The following RANBP17 variants were observed in gnomAD, a reference collection of about 807,000 sequenced individuals.
RANBP17 encodes the protein RAN binding protein 17, also known as ran-binding protein 17.
In RANBP17, 158 loss-of-function variants were observed where a neutral mutation model predicts 141.2. The ratio of observed to expected loss-of-function variants is 1.12; its 90% CI spans 0.98 to 1.28. The LOEUF (loss-of-function observed/expected upper bound fraction) is 1.28, where lower values mean the gene tolerates loss of function less well. RANBP17 is among the 50% of genes most tolerant of loss of function. The pLI, the probability that RANBP17 is intolerant of heterozygous loss-of-function variation, is 0.00. For missense variants in RANBP17, 1,438 were observed against 1,290.7 expected (o/e 1.11, Z -1.75); for synonymous variants, 430 against 450.0 (o/e 0.96, Z 0.56).
At chr5:170,955,452 GTA>G (rs1224073239) in intron 13 of RANBP17, among the ~76,000 whole-genome samples, 3 of 77,990 alleles carry the variant, frequency 3.8e-5, no homozygotes, top group Admixed American at 1.5e-4. Flanking sequence ...AAAGAGCTCA[GTA>G]TATATATATA....
chr5:171,058,126 A>G (rs1048792262), intron 14 of RANBP17, among the ~76,000 whole-genome samples: 3 of 151,608 alleles, frequency 2.0e-5, no homozygotes, highest in East Asian at 1.9e-4. Context: ...GGCATTACCT[A>G]TTTCTCTCTT....
At chr5:171,215,757 T>C (rs1763175326) in intron 21 of RANBP17, among the ~76,000 whole-genome samples, 1 of 152,168 alleles carries the variant, frequency 6.6e-6, no homozygotes, top group South Asian at 2.1e-4. Context: ...GAGTTGTTTG[T>C]TTTTTTCTTG....
Position 171,004,400 on chromosome 5 carries a change from G to A in RANBP17, c.1710+36023G>A, listed in dbSNP as rs966757584. Among the ~76,000 whole-genome samples, 5 of 152,126 alleles carry A rather than the reference G, an allele frequency of 3.3e-5. No homozygotes were observed. In the South Asian group the frequency reaches 1.0e-3, roughly 32 times the overall value. ...ACTGGGCAGGTGGGGATAAAAAAGA[G>A]TGCATAAAAGAATGTTGTCCAAGAT... On this transcript the variant is annotated intron_variant, in intron 14 of 27. Transcript: ENST00000523189.
chr5:170,909,638 T>C, intron 5 of RANBP17, 23 bp from the exon 6 acceptor site: 1 of 989,816 alleles, frequency 1.0e-6, no homozygotes, highest in South Asian at 1.5e-5. Flanking sequence ...CTGGTTAAAC[T>C]AATTTCATCT....
At chr5:170,873,422 G>C (rs924700882) in intron 1 of RANBP17, among the ~76,000 whole-genome samples, 1 of 152,200 alleles carries the variant, frequency 6.6e-6, no homozygotes, top group Admixed American at 6.5e-5. Flanking sequence ...AGAAAGAATG[G>C]TATCAGCTCC....
At chr5:170,940,398 T>C (rs574679205) in intron 12 of RANBP17, among the ~76,000 whole-genome samples, 3 of 152,298 alleles carry the variant, frequency 2.0e-5, no homozygotes, top group Non-Finnish European at 2.9e-5. Context: ...GACATGATGC[T>C]CAGAGGAAAT....
chr5:171,141,907 C>G (rs1388829452), intron 14 of RANBP17, among the ~76,000 whole-genome samples: 1 of 151,984 alleles, frequency 6.6e-6, no homozygotes, highest in East Asian at 1.9e-4. Context: ...GTTTTATATA[C>G]TTTCATTTTT....
intron 14 of RANBP17, among the ~76,000 whole-genome samples, chr5:171,026,315 A>G (rs1190056511): frequency 1.3e-5 from 2 of 152,210 alleles, no homozygotes; most frequent in Non-Finnish European, 2.9e-5. Flanking sequence ...AAACAGGCTC[A>G]GAGAAGGTAT....
intron 21 of RANBP17, among the ~76,000 whole-genome samples, chr5:171,214,574 G>T (rs1169559960): frequency 6.6e-6 from 1 of 152,104 alleles, no homozygotes; most frequent in Non-Finnish European, 1.5e-5. Flanking sequence ...GTTATCTCTG[G>T]TGCTGAGTTT....
chr5:170,872,490 A>G (rs1490025009), intron 1 of RANBP17, among the ~76,000 whole-genome samples: 1 of 152,174 alleles, frequency 6.6e-6, no homozygotes, highest in African/African-American at 2.4e-5. Flanking sequence ...TCCTATTTGA[A>G]TACCCTTTAT....
intron 14 of RANBP17, among the ~76,000 whole-genome samples, chr5:171,084,285 A>G (rs1785478336): frequency 6.7e-6 from 1 of 148,854 alleles, no homozygotes; most frequent in Non-Finnish European, 1.5e-5. Context: ...TACAAAGGAC[A>G]TGAACTCATC....
At chr5:171,012,074 AT>A (rs1780089301) in intron 14 of RANBP17, among the ~76,000 whole-genome samples, 4 of 150,862 alleles carry the variant, frequency 2.7e-5, no homozygotes, top group African/African-American at 9.7e-5. Flanking sequence ...AAACGAATAT[AT>A]TGTTTGTTTA....
chr5:171,298,608 G>A (rs1768968437), intron 27 of RANBP17, among the ~76,000 whole-genome samples, 154 bp from the exon 28 acceptor site: 1 of 152,350 alleles, frequency 6.6e-6, no homozygotes, highest in African/African-American at 2.4e-5. Flanking sequence ...CAATGGCGGT[G>A]AAAGTGGAGA....
intron 5 of RANBP17, among the ~76,000 whole-genome samples, chr5:170,908,170 G>C (rs977681259): frequency 2.5e-4 from 38 of 151,872 alleles, no homozygotes; most frequent in African/African-American, 8.9e-4. Flanking sequence ...TCCTATTACT[G>C]AGTATATATC....
chr5:170,916,200 T>TAA lies in RANBP17; in HGVS notation c.835-265_835-264insAA, dbSNP rs1280846424. 6.8e-5 allele frequency among the ~76,000 whole-genome samples: 3 copies of TAA among 43,804 alleles called. 1 individual carries two copies. Among genetic ancestry groups the TAA allele is most frequent in the African/African-American group, 1.8e-4 (3 of 16,442 alleles). The allele number at this position is 43,804 out of a possible 152,430, so 28.7% of individuals were successfully genotyped here. On this transcript the variant is annotated intron_variant, in intron 8 of 27. Transcript: ENST00000523189. ...GCATTATAATGCGTTATATTCTATA[T>TAA]TGCATTATAATGCGTTATATTCTAT...
chr5:171,042,229 G>A (rs1346587782), intron 14 of RANBP17, among the ~76,000 whole-genome samples: 1 of 151,994 alleles, frequency 6.6e-6, no homozygotes, highest in East Asian at 1.9e-4. Flanking sequence ...TACAGGGTCA[G>A]GATCAGCAAG....
intron 14 of RANBP17, among the ~76,000 whole-genome samples, chr5:171,090,481 C>G (rs1215133332): frequency 1.3e-5 from 2 of 152,146 alleles, no homozygotes; most frequent in African/African-American, 4.8e-5. Flanking sequence ...GGAAAATTTG[C>G]AGCCTGACAA....
At chr5:170,953,752 A>T in intron 13 of RANBP17, 50 bp downstream of exon 13, 1 of 1,240,196 alleles carries the variant, frequency 8.1e-7, no homozygotes, top group Non-Finnish European at 1.2e-6. Flanking sequence ...AGTTAAAAAA[A>T]ATTAGTTATT....
At chr5:171,249,796 G>A (rs1765439262) in intron 24 of RANBP17, among the ~76,000 whole-genome samples, 1 of 152,142 alleles carries the variant, frequency 6.6e-6, no homozygotes, top group African/African-American at 2.4e-5. Flanking sequence ...TATTCAAATT[G>A]CCAGCATCCA....
Sources: gnomAD v4.1 joint callset for allele counts (sites outside exome capture counted in the v4.1 genomes callset) on GRCh38, gnomAD v4.1.1 for gene constraint, MANE v1.5 for transcripts, NCBI Gene and HGNC (gene_info 2026-07-23, HGNC 2026-07-21) for gene names.